CYRIB: variants seen among roughly 807,000 people sequenced by gnomAD.
CYRIB encodes CYFIP related Rac1 interactor B, also known as CYFIP-related Rac1 interactor B.
CYRIB carries 8 observed loss-of-function variants against 44.2 expected under a neutral mutation model. The ratio of observed to expected loss-of-function variants is 0.18; its 90% CI spans 0.11 to 0.33. The LOEUF is 0.33. CYRIB is among the 10% of genes least tolerant of loss of function. The pLI is 1.00. For missense variants in CYRIB, 185 were observed against 382.8 expected, an observed-to-expected ratio of 0.48 and a Z score of 4.31; for synonymous variants, 131 against 127.2, an observed-to-expected ratio of 1.03 and a Z score of -0.20.
At chr8:129,842,451 G>A (rs1252175782) in intron 11 of CYRIB, among the ~76,000 whole-genome samples, 1 of 152,132 alleles carries the variant, frequency 6.6e-6, no homozygotes, top group Non-Finnish European at 1.5e-5. Context: ...GAAATGATTG[G>A]TTGACCTCTC....
At chr8:129,927,110 C>T (rs2088243492) in intron 1 of CYRIB, among the ~76,000 whole-genome samples, 1 of 146,780 alleles carries the variant, frequency 6.8e-6, no homozygotes, top group African/African-American at 2.7e-5. Context: ...TGGTAAAACC[C>T]TGTCTCTACT....
At chr8:129,919,242 A>G (rs1053156919) in intron 1 of CYRIB, among the ~76,000 whole-genome samples, 1 of 152,144 alleles carries the variant, frequency 6.6e-6, no homozygotes, top group African/African-American at 2.4e-5. Context: ...CTTTGGAGTG[A>G]TATTATATAT....
At chr8:129,993,590 G>A (rs1265318865) in intron 1 of CYRIB, among the ~76,000 whole-genome samples, 6 of 151,990 alleles carry the variant, frequency 3.9e-5, no homozygotes, top group South Asian at 4.2e-4. Context: ...CCAGCTACTC[G>A]GGAGGCTGAG....
chr8:129,907,595 A>T (rs949854110), intron 1 of CYRIB, among the ~76,000 whole-genome samples: 7 of 152,308 alleles, frequency 4.6e-5, no homozygotes, highest in East Asian at 1.9e-4. Context: ...AGTATAATTT[A>T]AAAAACTATA....
chr8:129,911,757 T>C (rs779808758), intron 1 of CYRIB, among the ~76,000 whole-genome samples: 2 of 152,172 alleles, frequency 1.3e-5, no homozygotes, highest in Non-Finnish European at 2.9e-5. Flanking sequence ...AGGCAAGGGC[T>C]AAATTAAAAG....
At chr8:129,915,053 T>C (rs1391323414) in intron 1 of CYRIB, among the ~76,000 whole-genome samples, 1 of 152,174 alleles carries the variant, frequency 6.6e-6, no homozygotes, top group Non-Finnish European at 1.5e-5. Context: ...GAGAATACAG[T>C]GCAAATGAAT....
At chr8:129,866,506 T>A (rs1020370726) in intron 4 of CYRIB, among the ~76,000 whole-genome samples, 12 of 138,604 alleles carry the variant, frequency 8.7e-5, no homozygotes, top group East Asian at 3.9e-4. Flanking sequence ...AAAAAAAAAA[T>A]AATAATAACT....
exon 10 of CYRIB, chr8:129,849,292 T>C: frequency 1.9e-6 from 3 of 1,612,638 alleles, no homozygotes; most frequent in Non-Finnish European, 2.5e-6. Flanking sequence ...TACGTGGTCA[T>C]AGAGTATTAT....
At chr8:129,929,908 G>A (rs547570415) in intron 1 of CYRIB, among the ~76,000 whole-genome samples, 1 of 152,196 alleles carries the variant, frequency 6.6e-6, no homozygotes, top group South Asian at 2.1e-4. Context: ...CAGTTAACCA[G>A]TTATGCGTTT....
intron 11 of CYRIB, among the ~76,000 whole-genome samples, chr8:129,846,149 T>C (rs2039862678): frequency 6.6e-6 from 1 of 152,190 alleles, no homozygotes. Flanking sequence ...CGAAATAATG[T>C]TCTAGCATTT....
intron 1 of CYRIB, among the ~76,000 whole-genome samples, chr8:129,999,940 T>G (rs2096870817): frequency 1.3e-5 from 2 of 152,124 alleles, no homozygotes. Context: ...CCCATAAGGT[T>G]TTGATGAGGA....
intron 2 of CYRIB, among the ~76,000 whole-genome samples, chr8:129,883,388 G>A (rs2061530134): frequency 6.6e-6 from 1 of 151,980 alleles, no homozygotes; most frequent in African/African-American, 2.4e-5. Flanking sequence ...TACAACTGTT[G>A]TCCAGCGCAA....
chr8:129,893,808 T>C (rs185116908), intron 2 of CYRIB, among the ~76,000 whole-genome samples: 2 of 151,790 alleles, frequency 1.3e-5, no homozygotes, highest in South Asian at 2.1e-4. Flanking sequence ...GCTGAGATTA[T>C]AGGCATGAGC....
chr8:129,882,625 T>G (rs2061197822), intron 2 of CYRIB, among the ~76,000 whole-genome samples: 1 of 152,178 alleles, frequency 6.6e-6, no homozygotes, highest in Admixed American at 6.5e-5. Context: ...AGAGGGAGAT[T>G]AGGTTTCCTT....
chr8:129,935,425 G>C (rs1165881881), intron 1 of CYRIB, among the ~76,000 whole-genome samples: 1 of 152,116 alleles, frequency 6.6e-6, no homozygotes, highest in Non-Finnish European at 1.5e-5. Flanking sequence ...TTCTCACATG[G>C]AGCACAAAAC....
intron 4 of CYRIB, among the ~76,000 whole-genome samples, chr8:129,865,476 A>AT (rs1399920157): frequency 3.9e-5 from 6 of 152,226 alleles, no homozygotes; most frequent in African/African-American, 1.4e-4. Flanking sequence ...ATACGTAGAA[A>AT]AACATGGACT....
chr8:129,965,485 G>A (rs764446172), intron 2 of CYRIB, among the ~76,000 whole-genome samples: 7 of 151,978 alleles, frequency 4.6e-5, no homozygotes, highest in East Asian at 1.9e-4. Flanking sequence ...AAACAATGGC[G>A]GAGCAATCCA....
Position 129,965,524 on chromosome 8 carries a change from C to T in CYRIB, c.-243+5419G>A, listed in dbSNP as rs575932168. On this transcript the variant is annotated intron_variant, in intron 2 of 14. Transcript: ENST00000401979. The stretch of plus-strand genomic sequence containing the variant: ...TAAGAATATACATTCAGGCCGGGCG[C>T]GGTGGCTCACGCCTGTAATCCCAGC... 7.2e-4 allele frequency among the ~76,000 whole-genome samples: 109 copies of T among 152,250 alleles called. 2 individuals are homozygous for T. The highest frequency in any genetic ancestry group is 2.4e-3 in the African/African-American group (101 of 41,550).
chr8:129,922,602 G>A (rs902961461), intron 1 of CYRIB, among the ~76,000 whole-genome samples: 1 of 147,866 alleles, frequency 6.8e-6, no homozygotes. Context: ...GGTGGCTCAC[G>A]CCTGTAATCC....
Sources: allele counts gnomAD v4.1 joint callset (sites outside exome capture counted in the v4.1 genomes callset), GRCh38; gene constraint gnomAD v4.1.1; transcripts MANE v1.5; gene names NCBI Gene and HGNC (gene_info 2026-07-23, HGNC 2026-07-21).